Variants in RTN4 observed in about 807,000 individuals in gnomAD.
RTN4 encodes the protein reticulon-4.
RTN4 carries 32 observed loss-of-function variants against 90.4 expected under a neutral mutation model. That is an observed-to-expected ratio of 0.35 (90% confidence interval 0.27 to 0.48). RTN4 has a LOEUF of 0.48. RTN4 is among the 20% of genes least tolerant of loss of function. The pLI, the probability that RTN4 is intolerant of heterozygous loss-of-function variation, is 0.99. For synonymous variants in RTN4, 629 were observed against 552.5 expected, an observed-to-expected ratio of 1.14 and a Z score of -1.94; for missense variants, 1,706 against 1,430.2, an observed-to-expected ratio of 1.19 and a Z score of -3.11.
intron 3 of RTN4, among the ~76,000 whole-genome samples, chr2:55,002,953 A>G (rs1679952631): frequency 6.6e-6 from 1 of 152,202 alleles, no homozygotes; most frequent in South Asian, 2.1e-4. Context: ...AATTTACTAT[A>G]GTTTAAATTT....
At chr2:55,035,625 TAA>T (rs375331078) in intron 1 of RTN4, among the ~76,000 whole-genome samples, 97 of 144,494 alleles carry the variant, frequency 6.7e-4, no homozygotes, top group African/African-American at 2.4e-3. Flanking sequence ...GAAAACAGAT[TAA>T]AAAAAAAAAT....
At chr2:54,977,215 C>G (rs139784963) in intron 5 of RTN4, among the ~76,000 whole-genome samples, 44 of 152,340 alleles carry the variant, frequency 2.9e-4, no homozygotes, top group African/African-American at 1.1e-3. Flanking sequence ...CCTTCTGTGT[C>G]TCCTTCAGAT....
Position 54,973,087 on chromosome 2 carries a change from A to AC in RTN4, c.*68dup, listed in dbSNP as rs933572811. The AC allele has an allele frequency of 1.9e-5, 26 of 1,339,652 alleles. No individual in the cohort carries two copies. The African/African-American group carries it at 3.6e-4, about 19-fold the overall frequency. The allele number at this position is 1,339,652 out of a possible 1,614,324, so 83.0% of individuals were successfully genotyped here. A position where few individuals can be genotyped will look rare whatever the true frequency, so the allele number is the denominator to read the frequency against. Reference sequence around the variant, plus strand: ...CAACGTCAAGGTTCGTTCTTCCCTGACCCTCCCCCGTATAATCAAATGAAT... The same window carrying AC: ...CAACGTCAAGGTTCGTTCTTCCCTGACCCCTCCCCCGTATAATCAAATGAAT... On this transcript the variant is annotated 3_prime_UTR_variant, in exon 9 of 9. Coordinates refer to ENST00000337526, the MANE Select transcript of RTN4 (RefSeq NM_020532.5).
intron 1 of RTN4, among the ~76,000 whole-genome samples, chr2:55,043,865 T>C (rs1230517327): frequency 6.6e-6 from 1 of 150,710 alleles, no homozygotes; most frequent in Non-Finnish European, 1.5e-5. Context: ...CAGCCTGGGC[T>C]ACAGAGCAAG....
intron 1 of RTN4, among the ~76,000 whole-genome samples, chr2:55,036,009 A>G (rs1682655301): frequency 1.3e-5 from 2 of 152,182 alleles, no homozygotes; most frequent in Admixed American, 1.3e-4. Flanking sequence ...AACCCCCACG[A>G]AGAAAACTAA....
intron 3 of RTN4, among the ~76,000 whole-genome samples, chr2:54,988,636 A>G (rs1678768025): frequency 6.6e-6 from 1 of 152,238 alleles, no homozygotes; most frequent in African/African-American, 2.4e-5. Flanking sequence ...GAAAAAGACA[A>G]AACAAACAGC....
chr2:55,023,807 G>A (rs932557552), intron 3 of RTN4, among the ~76,000 whole-genome samples: 5 of 152,024 alleles, frequency 3.3e-5, no homozygotes, highest in Non-Finnish European at 7.4e-5. Flanking sequence ...CACACCATTT[G>A]CCGCTGTCAT....
chr2:55,124,069 C>T, the RTN4 span, among the ~76,000 whole-genome samples: 1 of 152,152 alleles, frequency 6.6e-6, no homozygotes, highest in Non-Finnish European at 1.5e-5. Flanking sequence ...GACTCTTCTC[C>T]GTAGACCACA....
chr2:55,034,880 T>C (rs544890513), intron 1 of RTN4, among the ~76,000 whole-genome samples: 1 of 152,268 alleles, frequency 6.6e-6, no homozygotes, highest in South Asian at 2.1e-4. Flanking sequence ...TATATGAAAG[T>C]ATGTTTTATT....
chr2:55,021,429 T>A (rs1235793988), intron 3 of RTN4, among the ~76,000 whole-genome samples: 1 of 151,208 alleles, frequency 6.6e-6, no homozygotes, highest in Non-Finnish European at 1.5e-5. Context: ...TAGTGCCTGA[T>A]AGAAGCATGT....
At chr2:55,057,342 GA>G (rs5831335) in intron 2 of RTN4, among the ~76,000 whole-genome samples, 22,611 of 152,200 alleles carry the variant, frequency 0.15, 2,801 homozygotes, top group African/African-American at 0.34. Context: ...AGAAGGTACA[GA>G]AAATAGAGCA....
In RTN4 at chr2:55,049,803, G is replaced by A. The variant is rs1360315544; in HGVS notation, c.498C>T (p.Pro166=). The A allele has an allele frequency of 3.0e-6, 4 of 1,311,620 alleles. No homozygotes were observed. The highest frequency in any genetic ancestry group is 3.9e-6 in the Non-Finnish European group (4 of 1,033,168). The allele number at this position is 1,311,620 out of a possible 1,614,324, so 81.2% of individuals were successfully genotyped here. A position where few individuals can be genotyped will look rare whatever the true frequency, so the allele number is the denominator to read the frequency against. The change falls in exon 1 of 9, where the codon CCC becomes CCT. Residue 166 remains proline, a synonymous_variant. Transcript: ENST00000337526. ...CGGCCGGGGTGGAGGGGGGCGCGGC[G>A]GGAGCCGGGGCTGGCGGGGTCCACA... The part of the protein sequence containing the change: ...EPVWTPPAPA[P]AAPPSTPAAP...
intron 1 of RTN4, among the ~76,000 whole-genome samples, chr2:55,087,169 C>T (rs1401607785): frequency 6.6e-6 from 1 of 152,218 alleles, no homozygotes; most frequent in Admixed American, 6.5e-5. Flanking sequence ...GTGAACTATG[C>T]TGCTGTGAAT....
chr2:55,025,200 T>C lies in RTN4; in HGVS notation c.2899A>G (p.Ile967Val), dbSNP rs1681731071. ...ALATQAEIES[I>V]VKPKVLVKEA... ...TTCACAAGAACTTTGGGTTTAACTA[T>C]GCTCTCTATCTCTGCTTGAGTGGCC... is the stretch of plus-strand genomic sequence containing the variant. Residue 967 changes from isoleucine to valine, a missense_variant, in exon 3 of 9, where the codon ATA becomes GTA. By Grantham distance (29) the Ile-to-Val change is conservative. Transcript: ENST00000337526. 2 of 1,613,886 alleles carry C rather than the reference T, an allele frequency of 1.2e-6. No individual in the cohort carries two copies. Among genetic ancestry groups the C allele is most frequent in the East Asian group, 2.2e-5 (1 of 44,870 alleles).
rs557363313 is a variant in RTN4, at chr2:55,079,406, C to G, written c.-63+1083G>C. 2.0e-5 allele frequency among the ~76,000 whole-genome samples: 3 copies of G among 152,090 alleles called. No individual in the cohort carries two copies. The East Asian group carries it at 5.8e-4, about 29-fold the overall frequency. On this transcript the variant is annotated intron_variant, in intron 2 of 3. Coordinates refer to the RTN4 transcript ENST00000427710. ...GTTTTGTTTTGTTTTAAAGTCTGAC[C>G]ACTGAATCTGTCAAGTAACTTAGAA... is the stretch of plus-strand genomic sequence containing the variant.
chr2:54,995,635 A>G (rs1356047334), intron 3 of RTN4, among the ~76,000 whole-genome samples: 1 of 152,192 alleles, frequency 6.6e-6, no homozygotes, highest in Non-Finnish European at 1.5e-5. Context: ...ACGGGTGGCC[A>G]GAGCCTATCC....
intron 3 of RTN4, among the ~76,000 whole-genome samples, chr2:55,008,575 T>C (rs191301830): frequency 1.5e-4 from 23 of 152,074 alleles, no homozygotes; most frequent in African/African-American, 5.5e-4. Flanking sequence ...AAAGTGAGGC[T>C]CCCCAGAGAT....
At chr2:55,017,339 G>C (rs373507427) in intron 3 of RTN4, among the ~76,000 whole-genome samples, 2 of 152,158 alleles carry the variant, frequency 1.3e-5, no homozygotes, top group Non-Finnish European at 2.9e-5. Context: ...ATGAACATAT[G>C]TAAGTTCTTA....
At chr2:55,091,967 G>A (rs925596163) in intron 1 of RTN4, among the ~76,000 whole-genome samples, 1 of 152,062 alleles carries the variant, frequency 6.6e-6, no homozygotes, top group African/African-American at 2.4e-5. Context: ...CCTCCCCCTG[G>A]GTCCCTCCCA....
Sources: allele counts gnomAD v4.1 joint callset (sites outside exome capture counted in the v4.1 genomes callset), GRCh38; gene constraint gnomAD v4.1.1; transcripts MANE v1.5; gene names NCBI Gene and HGNC (gene_info 2026-07-23, HGNC 2026-07-21).